Variants in SNAPC1 observed in about 807,000 individuals in gnomAD.
SNAPC1 encodes the protein small nuclear RNA activating complex polypeptide 1.
A neutral mutation model predicts 50.1 loss-of-function variants in SNAPC1; 42 were observed. The observed-to-expected ratio is 0.84, with a 90% CI of 0.65 to 1.08. The LOEUF (loss-of-function observed/expected upper bound fraction) is 1.08. SNAPC1 is among the 50% of genes least tolerant of loss of function. The pLI is 0.00. For missense variants in SNAPC1, 477 were observed against 427.3 expected (o/e 1.12, Z -1.02); for synonymous variants, 164 against 144.2 (o/e 1.14, Z -0.98).
intron 8 of SNAPC1, 147 bp downstream of exon 8, chr14:61,782,544 T>TTATTTAAAA: frequency 1.7e-6 from 1 of 604,484 alleles, no homozygotes. Flanking sequence ...TAAATTCTGT[T>TTATTTAAAA]AGATTCTTGG....
At chr14:61,769,413 T>TC (rs1555341118) in intron 4 of SNAPC1, among the ~76,000 whole-genome samples, 5 of 148,550 alleles carry the variant, frequency 3.4e-5, no homozygotes, top group Admixed American at 6.7e-5. Context: ...TTTTTTTTTT[T>TC]CTCACACGGA....
intron 8 of SNAPC1, among the ~76,000 whole-genome samples, chr14:61,782,810 G>A (rs1433063485): frequency 6.6e-6 from 1 of 152,010 alleles, no homozygotes; most frequent in Non-Finnish European, 1.5e-5. Flanking sequence ...GGAGGCTGAG[G>A]CACGAGAATT....
At chr14:61,792,650 A>G (rs1391177807) in intron 8 of SNAPC1, among the ~76,000 whole-genome samples, 157 bp from the exon 9 acceptor site, 2 of 152,240 alleles carry the variant, frequency 1.3e-5, no homozygotes, top group African/African-American at 2.4e-5. Context: ...TTGAAAAAAT[A>G]TAGGTATTCT....
chr14:61,787,234 C>T (rs1426270071), intron 8 of SNAPC1, among the ~76,000 whole-genome samples: 1 of 152,144 alleles, frequency 6.6e-6, no homozygotes, highest in Non-Finnish European at 1.5e-5. Context: ...GTGCATTTGT[C>T]CAAACTTCTC....
intron 5 of SNAPC1, among the ~76,000 whole-genome samples, chr14:61,776,634 A>C (rs193104065): frequency 6.6e-6 from 1 of 152,274 alleles, no homozygotes; most frequent in East Asian, 1.9e-4. Flanking sequence ...TTTTGAGTTA[A>C]TTACCAAATT....
intron 9 of SNAPC1, among the ~76,000 whole-genome samples, chr14:61,794,000 G>A (rs890957453): frequency 6.6e-6 from 1 of 151,990 alleles, no homozygotes; most frequent in Non-Finnish European, 1.5e-5. Flanking sequence ...TCATGTTTTT[G>A]TGTTTTCTAT....
chr14:61,768,657 A>G lies in SNAPC1; in HGVS notation c.451A>G (p.Lys151Glu), dbSNP rs1168840738. 6.2e-7 allele frequency: 1 copy of G among 1,607,408 alleles called. No homozygotes were observed. Among genetic ancestry groups the G allele is most frequent in the Non-Finnish European group, 8.5e-7 (1 of 1,174,358 alleles). Residue 151 changes from lysine to glutamate, a missense_variant, in exon 4 of 10, where the codon AAA (lysine) becomes GAA (glutamate). Physicochemically the swap from Lys to Glu is moderately conservative, Grantham distance 56. Coordinates refer to ENST00000216294, the MANE Select transcript of SNAPC1 (RefSeq NM_003082.4). ...ATAGCTGTCATATAGGATGAAGAAA[A>G]AAATTCACCGAGCTGAAGTTACAGA... The part of the protein sequence containing the change: ...PKLLSYRMKK[K>E]IHRAEVTEEF...
At chr14:61,777,388 G>A (rs1016028854) in intron 5 of SNAPC1, among the ~76,000 whole-genome samples, 2 of 152,066 alleles carry the variant, frequency 1.3e-5, no homozygotes, top group African/African-American at 2.4e-5. Flanking sequence ...TTATGTATAT[G>A]TATATAGACA....
rs778907911 is a variant in SNAPC1, at chr14:61,776,150, A to G, written c.590A>G (p.Asp197Gly). ...YQNMKHVISV[D>G]KSKPDKALSL... The stretch of plus-strand genomic sequence containing the variant: ...AACATGAAACATGTAATTTCAGTTG[A>G]TAAGTCCAAGCCAGATAAAGCCCTC... The change falls in exon 5 of 10, where the codon GAT becomes GGT. Residue 197 changes from aspartate (D) to glycine (G), a missense_variant. Coordinates refer to ENST00000216294, the MANE Select transcript of SNAPC1 (RefSeq NM_003082.4). 2.5e-6 allele frequency: 4 copies of G among 1,609,986 alleles called. No homozygotes were observed. The highest frequency in any genetic ancestry group is 2.7e-5 in the African/African-American group (2 of 74,888).
Position 61,767,039 on chromosome 14 carries a change from AT to A in SNAPC1, c.288+5del. On this transcript the variant is annotated splice_donor_5th_base_variant and intron_variant, in intron 2 of 9. Coordinates refer to ENST00000216294, the MANE Select transcript of SNAPC1 (RefSeq NM_003082.4). ...ACTGTGTCAACCAAAACAAAAGGTA[AT>A]ACTTAGTGAGTTATTTTTCCTTAGC... is the stretch of plus-strand genomic sequence containing the variant. 13 of 1,509,226 alleles carry A rather than the reference AT, an allele frequency of 8.6e-6. No homozygotes were observed. Among genetic ancestry groups the A allele is most frequent in the Non-Finnish European group, 9.8e-6 (11 of 1,123,668 alleles). 93.5% of individuals were successfully genotyped at this position (1,509,226 alleles called of 1,614,324 possible). A position where few individuals can be genotyped will look rare whatever the true frequency, so the allele number is the denominator to read the frequency against.
intron 8 of SNAPC1, among the ~76,000 whole-genome samples, chr14:61,785,088 A>G (rs2045105592): frequency 6.6e-6 from 1 of 152,236 alleles, no homozygotes; most frequent in South Asian, 2.1e-4. Context: ...CTTAAATAAA[A>G]TGAATAAATT....
chr14:61,762,661 A>G (rs1196937851), intron 1 of SNAPC1, 73 bp downstream of exon 1: 2 of 1,567,566 alleles, frequency 1.3e-6, no homozygotes, highest in East Asian at 2.3e-5. Context: ...CTTCCCGGCG[A>G]TATTGCACTT....
At chr14:61,791,571 G>A (rs1693224071) in intron 8 of SNAPC1, among the ~76,000 whole-genome samples, 1 of 152,152 alleles carries the variant, frequency 6.6e-6, no homozygotes, top group Non-Finnish European at 1.5e-5. Flanking sequence ...AAATAGGCCG[G>A]GCACGGTGGC....
chr14:61,788,353 A>G (rs979487884), intron 8 of SNAPC1, among the ~76,000 whole-genome samples: 1 of 152,232 alleles, frequency 6.6e-6, no homozygotes, highest in Non-Finnish European at 1.5e-5. Flanking sequence ...GTTCATTTCC[A>G]TACAGTGGAA....
chr14:61,783,937 C>A (rs1279590247), intron 8 of SNAPC1, among the ~76,000 whole-genome samples: 1 of 152,094 alleles, frequency 6.6e-6, no homozygotes, highest in East Asian at 1.9e-4. Flanking sequence ...AAAAAAGGAG[C>A]GTTAGAAACA....
At chr14:61,791,816 T>G (rs1248569535) in intron 8 of SNAPC1, among the ~76,000 whole-genome samples, 1 of 151,948 alleles carries the variant, frequency 6.6e-6, no homozygotes, top group East Asian at 1.9e-4. Flanking sequence ...GCCACTGTAC[T>G]CCAGCCTGGG....
intron 1 of SNAPC1, among the ~76,000 whole-genome samples, chr14:61,765,086 A>G (rs1439991554): frequency 6.6e-6 from 1 of 152,200 alleles, no homozygotes; most frequent in Non-Finnish European, 1.5e-5. Flanking sequence ...TTTTTTATCT[A>G]CTAATTTCAG....
chr14:61,778,136 C>T lies in SNAPC1; in HGVS notation c.758C>T (p.Thr253Met), dbSNP rs75418419. 3,353 of 1,596,224 alleles carry T rather than the reference C, an allele frequency of 2.1e-3. 2 individuals carry two copies. The highest frequency in any genetic ancestry group is 2.8e-3 in the Non-Finnish European group (3,216 of 1,168,266). ...AAAATGGAAGGAAATTCACAAGAAA[C>T]GGAGGTCAGAAAACTTTGCAATTCA... ...EEKMEGNSQE[T>M]ERCERAESLA... Residue 253 changes from threonine (T) to methionine (M), a missense_variant, in exon 6 of 10, where the codon ACG (threonine) becomes ATG (methionine). Coordinates refer to ENST00000216294, the MANE Select transcript of SNAPC1 (RefSeq NM_003082.4).
chr14:61,792,154 TG>T (rs1193156263), intron 8 of SNAPC1, among the ~76,000 whole-genome samples: 1 of 151,142 alleles, frequency 6.6e-6, no homozygotes, highest in Non-Finnish European at 1.5e-5. Flanking sequence ...ATAAAAGTGT[TG>T]GGGCAAAGAA....
Sources: gnomAD v4.1 joint callset for allele counts (sites outside exome capture counted in the v4.1 genomes callset) on GRCh38, gnomAD v4.1.1 for gene constraint, MANE v1.5 for transcripts, NCBI Gene and HGNC (gene_info 2026-07-23, HGNC 2026-07-21) for gene names.